Variants in HTR1F observed in about 807,000 individuals in gnomAD.
HTR1F encodes 5-hydroxytryptamine receptor 1F.
In HTR1F, 17 loss-of-function variants were observed where a neutral mutation model predicts 24.0. That is an observed-to-expected ratio of 0.71 (90% CI 0.48 to 1.06). The LOEUF is 1.06. Among genes scored for constraint, HTR1F ranks in the 50% least tolerant of loss-of-function variants. HTR1F has a pLI of 0.00. For missense variants in HTR1F, 391 were observed against 427.8 expected, an observed-to-expected ratio of 0.91 and a Z score of 0.76; for synonymous variants, 186 against 156.8, an observed-to-expected ratio of 1.19 and a Z score of -1.39.
At chr3:87,961,922 T>C (rs1705070776) in intron 2 of HTR1F, among the ~76,000 whole-genome samples, 1 of 151,996 alleles carries the variant, frequency 6.6e-6, no homozygotes, top group African/African-American at 2.4e-5. Flanking sequence ...AAACAATACA[T>C]ATTTTTGTCA....
At chr3:87,797,869 G>A (rs1446357114) in intron 1 of HTR1F, among the ~76,000 whole-genome samples, 1 of 152,124 alleles carries the variant, frequency 6.6e-6, no homozygotes, top group Non-Finnish European at 1.5e-5. Flanking sequence ...GCTGATGGTG[G>A]GACAAAAAGG....
intron 1 of HTR1F, among the ~76,000 whole-genome samples, chr3:87,808,802 G>T (rs183631617): frequency 6.6e-6 from 1 of 151,708 alleles, no homozygotes; most frequent in African/African-American, 2.4e-5. Flanking sequence ...ATTTTGATAC[G>T]TTGTGTTTGA....
chr3:87,832,354 G>T (rs1704599309), intron 2 of HTR1F, among the ~76,000 whole-genome samples: 1 of 133,498 alleles, frequency 7.5e-6, no homozygotes, highest in Non-Finnish European at 1.5e-5. Context: ...TTGAGATGGA[G>T]TCTCGCTCTG....
At chr3:87,961,633 AT>A (rs1171828297) in intron 2 of HTR1F, among the ~76,000 whole-genome samples, 6 of 151,960 alleles carry the variant, frequency 3.9e-5, no homozygotes, top group Middle Eastern at 3.2e-3. Context: ...TAACTTTAAA[AT>A]TTTTTTGAAC....
chr3:87,907,827 A>G (rs1416378046), intron 2 of HTR1F, among the ~76,000 whole-genome samples: 1 of 152,052 alleles, frequency 6.6e-6, no homozygotes, highest in Non-Finnish European at 1.5e-5. Flanking sequence ...AGATGAAAGC[A>G]ATGGAATAGC....
At chr3:87,846,154 C>A (rs979574200) in intron 2 of HTR1F, among the ~76,000 whole-genome samples, 1 of 151,876 alleles carries the variant, frequency 6.6e-6, no homozygotes, top group East Asian at 1.9e-4. Flanking sequence ...TAGTATGGGC[C>A]GGGTGCGGTG....
At chr3:87,853,422 A>G (rs761217438) in intron 2 of HTR1F, among the ~76,000 whole-genome samples, 7 of 152,124 alleles carry the variant, frequency 4.6e-5, no homozygotes, top group Non-Finnish European at 1.0e-4. Context: ...ATAGCTGCAT[A>G]GTATTCCATG....
chr3:87,942,007 G>A (rs966242488), intron 2 of HTR1F, among the ~76,000 whole-genome samples: 12 of 152,060 alleles, frequency 7.9e-5, no homozygotes, highest in African/African-American at 2.7e-4. Context: ...GCCTTTGGTA[G>A]GGAAAGGAGG....
intron 1 of HTR1F, among the ~76,000 whole-genome samples, chr3:87,807,513 A>C (rs1704093370): frequency 6.6e-6 from 1 of 151,866 alleles, no homozygotes; most frequent in Non-Finnish European, 1.5e-5. Flanking sequence ...CAGGTCTAAG[A>C]GTTTTTTGGT....
chr3:87,902,520 C>G (rs1255742949), intron 2 of HTR1F, among the ~76,000 whole-genome samples: 1 of 151,570 alleles, frequency 6.6e-6, no homozygotes, highest in Non-Finnish European at 1.5e-5. Context: ...TAAACAGGAC[C>G]AAAAGAGGGA....
chr3:87,947,144 T>C (rs1299653800), intron 2 of HTR1F, among the ~76,000 whole-genome samples: 1 of 152,240 alleles, frequency 6.6e-6, no homozygotes, highest in Non-Finnish European at 1.5e-5. Flanking sequence ...CAATTTGTAG[T>C]GTTTTAACAT....
intron 1 of HTR1F, among the ~76,000 whole-genome samples, chr3:87,814,078 A>G (rs1160129338): frequency 6.6e-6 from 1 of 152,170 alleles, no homozygotes; most frequent in Non-Finnish European, 1.5e-5. Flanking sequence ...CTAATTGGTA[A>G]AGGTAAAGGG....
At chr3:87,923,443 T>A (rs1377704470) in intron 2 of HTR1F, among the ~76,000 whole-genome samples, 1 of 152,006 alleles carries the variant, frequency 6.6e-6, no homozygotes, top group Non-Finnish European at 1.5e-5. Flanking sequence ...ATAGTTTTTA[T>A]CAGAGATTTT....
At chr3:87,982,866 G>A (rs1029506325) in intron 2 of HTR1F, among the ~76,000 whole-genome samples, 18 of 152,166 alleles carry the variant, frequency 1.2e-4, no homozygotes, top group African/African-American at 3.4e-4. Flanking sequence ...CAAATAAATC[G>A]CCTGTTTAGT....
chr3:87,838,524 TTAACA>T (rs1215423517), intron 2 of HTR1F, among the ~76,000 whole-genome samples: 2 of 152,142 alleles, frequency 1.3e-5, no homozygotes, highest in African/African-American at 4.8e-5. Context: ...TTTATATTAC[TTAACA>T]TAATACCCTT....
intron 2 of HTR1F, among the ~76,000 whole-genome samples, chr3:87,911,840 G>C (rs1314383068): frequency 6.6e-6 from 1 of 152,128 alleles, no homozygotes; most frequent in Non-Finnish European, 1.5e-5. Flanking sequence ...AGTAGATGCA[G>C]AGAAGGCTTT....
intron 1 of HTR1F, among the ~76,000 whole-genome samples, chr3:87,815,918 A>G (rs1405123387): frequency 6.6e-6 from 1 of 152,112 alleles, no homozygotes; most frequent in African/African-American, 2.4e-5. Flanking sequence ...ATATAAAACA[A>G]AAGTTATCTA....
At chr3:87,797,926 A>C (rs929821085) in intron 1 of HTR1F, among the ~76,000 whole-genome samples, 1 of 152,158 alleles carries the variant, frequency 6.6e-6, no homozygotes, top group East Asian at 1.9e-4. Context: ...GGATGGCATG[A>C]CTGGTGCTAG....
At chr3:87,954,291 A>AT (rs1225134519) in intron 2 of HTR1F, among the ~76,000 whole-genome samples, 1 of 151,850 alleles carries the variant, frequency 6.6e-6, no homozygotes, top group African/African-American at 2.4e-5. Context: ...ATTTATCAAA[A>AT]TATCACTTGT....
Sources: allele counts gnomAD v4.1 joint callset (sites outside exome capture counted in the v4.1 genomes callset), GRCh38; gene constraint gnomAD v4.1.1; transcripts MANE v1.5; gene names NCBI Gene and HGNC (gene_info 2026-07-23, HGNC 2026-07-21).